Variants in THADA observed in about 807,000 individuals in gnomAD.
THADA encodes the protein tRNA (32-2'-O)-methyltransferase regulator THADA.
In THADA, 213 loss-of-function variants were observed where a neutral mutation model predicts 219.8. That is an observed-to-expected ratio of 0.97 (90% CI 0.87 to 1.09). The LOEUF (loss-of-function observed/expected upper bound fraction) is 1.09. Ranked by LOEUF, THADA falls within the 50% of genes least tolerant of loss-of-function variation. THADA has a pLI of 0.00. For missense variants in THADA, 2,956 were observed against 2,311.3 expected (o/e 1.28, Z -5.72); for synonymous variants, 1,018 against 828.9 (o/e 1.23, Z -3.92).
At chr2:43,487,908 T>C (rs556803757) in intron 25 of THADA, among the ~76,000 whole-genome samples, 1 of 152,220 alleles carries the variant, frequency 6.6e-6, no homozygotes, top group East Asian at 1.9e-4. Flanking sequence ...CCTTATAAAG[T>C]GCCCTCATTA....
At chr2:43,411,698 C>A (rs974249689) in intron 28 of THADA, among the ~76,000 whole-genome samples, 2 of 152,018 alleles carry the variant, frequency 1.3e-5, no homozygotes, top group African/African-American at 4.8e-5. Flanking sequence ...GAAGATGAAA[C>A]AAAACTGATT....
At chr2:43,360,110 A>C (rs1669339202) in intron 29 of THADA, among the ~76,000 whole-genome samples, 1 of 152,148 alleles carries the variant, frequency 6.6e-6, no homozygotes, top group East Asian at 1.9e-4. Context: ...GGCTCAGCTC[A>C]CCAATTTCCT....
chr2:43,535,064 T>C (rs561320374), intron 21 of THADA, among the ~76,000 whole-genome samples: 8 of 152,254 alleles, frequency 5.3e-5, no homozygotes, highest in African/African-American at 9.6e-5. Context: ...TGATATCTCA[T>C]TGTGGTTTTG....
At chr2:43,260,551 T>G (rs1274397500) in intron 36 of THADA, among the ~76,000 whole-genome samples, 2 of 152,226 alleles carry the variant, frequency 1.3e-5, no homozygotes, top group Admixed American at 6.5e-5. Flanking sequence ...ATGCAAGTAC[T>G]TCCTCTGAAG....
At chr2:43,278,975 G>A (rs1340581524) in intron 36 of THADA, among the ~76,000 whole-genome samples, 2 of 152,074 alleles carry the variant, frequency 1.3e-5, no homozygotes, top group African/African-American at 4.8e-5. Flanking sequence ...ACCTTTCCTG[G>A]CACCCAGCCC....
chr2:43,423,776 C>G (rs943908660), intron 28 of THADA, among the ~76,000 whole-genome samples: 10 of 152,096 alleles, frequency 6.6e-5, no homozygotes, highest in African/African-American at 2.2e-4. Context: ...ACCTAGAGCT[C>G]TTTGACTGGA....
Position 43,291,721 on chromosome 2 carries a change from GA to G in THADA, c.4984del (p.Ser1662ProfsTer13). 6.4e-7 allele frequency: 1 copy of G among 1,557,602 alleles called. No individual in the cohort carries two copies. The highest frequency in any genetic ancestry group is 1.2e-5 in the South Asian group (1 of 84,276). On this transcript the variant is annotated frameshift_variant, in exon 34 of 38. Coordinates refer to ENST00000405975, the MANE Select transcript of THADA (RefSeq NM_022065.5). LOFTEE classifies it high-confidence loss of function. ...VALRLASKVI[S>X]HHMQTCVENR... ...CTCCACACATGTCTGCATGTGGTGG[GA>G]AATGACTTTGGAAGCAAGTCTCAGA...
chr2:43,347,939 T>C (rs1221346355), intron 29 of THADA, among the ~76,000 whole-genome samples: 1 of 152,046 alleles, frequency 6.6e-6, no homozygotes, highest in Non-Finnish European at 1.5e-5. Context: ...TGCTGTTGGG[T>C]GATGAGATCT....
chr2:43,254,103 G>A (rs1670077442), intron 36 of THADA, among the ~76,000 whole-genome samples: 1 of 151,814 alleles, frequency 6.6e-6, no homozygotes, highest in Non-Finnish European at 1.5e-5. Flanking sequence ...TCAGAGGCCA[G>A]GAATATGATG....
chr2:43,297,448 G>GT (rs1675594566), intron 31 of THADA, among the ~76,000 whole-genome samples: 1 of 58,020 alleles, frequency 1.7e-5, no homozygotes, highest in Non-Finnish European at 3.1e-5. Context: ...GGAGGGAGGT[G>GT]GGGGGGGGTC....
At chr2:43,234,213 C>T (rs1667762092) in intron 36 of THADA, among the ~76,000 whole-genome samples, 1 of 152,230 alleles carries the variant, frequency 6.6e-6, no homozygotes, top group African/African-American at 2.4e-5. Context: ...TTTCATGGTG[C>T]ATGCAAAGCG....
Position 43,587,106 on chromosome 2 carries a change from C to CA in THADA, c.303-105dup, listed in dbSNP as rs1701109773. 3.3e-6 allele frequency: 4 copies of CA among 1,199,366 alleles called. No individual in the cohort carries two copies. In the Admixed American group the frequency reaches 9.7e-5, roughly 29 times the overall value. The allele number at this position is 1,199,366 out of a possible 1,614,324, so 74.3% of individuals were successfully genotyped here. A position where few individuals can be genotyped will look rare whatever the true frequency, so the allele number is the denominator to read the frequency against. ...ATGTGGGAATACTGAACTAAATCTT[C>CA]AAAATACAGCCAGAAAACTACAACT... On this transcript the variant is annotated intron_variant, in intron 4 of 37. Coordinates refer to ENST00000405975, the MANE Select transcript of THADA (RefSeq NM_022065.5).
At chr2:43,475,441 A>AG (rs1166099746) in intron 26 of THADA, among the ~76,000 whole-genome samples, 1 of 151,796 alleles carries the variant, frequency 6.6e-6, no homozygotes, top group Non-Finnish European at 1.5e-5. Flanking sequence ...AAAAAAAAAA[A>AG]AAAAACCTAG....
intron 26 of THADA, among the ~76,000 whole-genome samples, chr2:43,461,008 T>A (rs1683578608): frequency 6.6e-6 from 1 of 152,110 alleles, no homozygotes. Flanking sequence ...AAGGACACTG[T>A]TGAGGCAGAG....
intron 29 of THADA, among the ~76,000 whole-genome samples, chr2:43,359,455 A>G (rs560471877): frequency 3.9e-5 from 6 of 152,286 alleles, no homozygotes; most frequent in Admixed American, 3.9e-4. Context: ...TGAGGCGGGC[A>G]GATCACTTGA....
At chr2:43,473,798 G>A (rs1685203829) in intron 26 of THADA, among the ~76,000 whole-genome samples, 1 of 151,990 alleles carries the variant, frequency 6.6e-6, no homozygotes, top group Non-Finnish European at 1.5e-5. Context: ...TAGTAGAGAC[G>A]AGGTTTCACC....
At chr2:43,433,045 TAAGA>T (rs1320482214) in intron 26 of THADA, among the ~76,000 whole-genome samples, 1 of 152,230 alleles carries the variant, frequency 6.6e-6, no homozygotes, top group Non-Finnish European at 1.5e-5. Flanking sequence ...TCTACCTACC[TAAGA>T]AAGATATCGT....
chr2:43,376,418 C>T (rs1273473432), intron 29 of THADA, among the ~76,000 whole-genome samples: 1 of 152,158 alleles, frequency 6.6e-6, no homozygotes, highest in Admixed American at 6.5e-5. Context: ...AAGCAATGTC[C>T]CTTTCCCAAA....
chr2:43,391,127 G>GA (rs1673327766), intron 29 of THADA, among the ~76,000 whole-genome samples: 1 of 152,016 alleles, frequency 6.6e-6, no homozygotes, highest in Non-Finnish European at 1.5e-5. Context: ...GGCTCTGTAG[G>GA]AACTCAGTGA....
Sources: allele counts gnomAD v4.1 joint callset (sites outside exome capture counted in the v4.1 genomes callset), GRCh38; gene constraint gnomAD v4.1.1; transcripts MANE v1.5; gene names NCBI Gene and HGNC (gene_info 2026-07-23, HGNC 2026-07-21).